The following COL5A3 variants were observed in gnomAD, a reference collection of about 807,000 sequenced individuals.
The protein encoded by COL5A3 is collagen type V alpha 3 chain.
Under a neutral mutation model 250.0 loss-of-function variants are expected in COL5A3, and 172 were observed. That is an observed-to-expected ratio of 0.69 (90% CI 0.61 to 0.78). COL5A3 has a LOEUF of 0.78. Ranked by LOEUF, COL5A3 falls within the 30% of genes least tolerant of loss-of-function variation. The pLI is 0.00. For synonymous variants in COL5A3, 937 were observed against 900.4 expected, an observed-to-expected ratio of 1.04 and a Z score of -0.73; for missense variants, 2,340 against 2,334.4, an observed-to-expected ratio of 1.00 and a Z score of -0.05.
At chr19:9,980,569 T>C in intron 35 of COL5A3, 79 bp downstream of exon 35, 2 of 1,550,288 alleles carry the variant, frequency 1.3e-6, no homozygotes, top group Non-Finnish European at 1.7e-6. Flanking sequence ...TCTTCATCTC[T>C]TGGGTTTGTC....
Position 9,992,840 on chromosome 19 carries a change from G to A in COL5A3, c.1835C>T (p.Pro612Leu), listed in dbSNP as rs936145198. 1.9e-6 allele frequency: 3 copies of A among 1,613,960 alleles called. No homozygotes were observed. In the African/African-American group the frequency reaches 4.0e-5, roughly 22 times the overall value. ...AGTGACACTCACCGGGCGACCCGTG[G>A]GGCCAGGAGAGCCTCTGGGGCCAAG... Reference protein sequence around the residue: ...GLLGPRGSPGPTGRPGVTGID... With the variant: ...GLLGPRGSPGLTGRPGVTGID... Residue 612 changes from proline to leucine, a missense_variant, in exon 21 of 67, where the codon CCC becomes CTC. Pro to Leu is a moderately conservative substitution (Grantham distance 98). Transcript: ENST00000264828.
intron 33 of COL5A3, 77 bp from the exon 34 acceptor site, chr19:9,980,936 C>A (rs1237797686): frequency 6.5e-7 from 1 of 1,530,218 alleles, no homozygotes; most frequent in Admixed American, 1.8e-5. Flanking sequence ...TCTTCCAGGT[C>A]CCCTCCCCTT....
intron 51 of COL5A3, among the ~76,000 whole-genome samples, chr19:9,972,681 C>T (rs28360786): frequency 9.1e-4 from 138 of 152,138 alleles, no homozygotes; most frequent in African/African-American, 3.2e-3. Flanking sequence ...ACTAAAAATA[C>T]AAAAATTAGC....
Position 9,967,933 on chromosome 19 carries a change from G to C in COL5A3, c.4375C>G (p.Leu1459Val). 6.2e-7 allele frequency: 1 copy of C among 1,613,264 alleles called. No homozygotes were observed. Among genetic ancestry groups the C allele is most frequent in the Non-Finnish European group, 8.5e-7 (1 of 1,179,668 alleles). The change falls in exon 61 of 67, where the codon CTA (leucine) becomes GTA (valine). Residue 1459 changes from leucine to valine, a missense_variant. Leu to Val is a conservative substitution (Grantham distance 32). Coordinates refer to ENST00000264828, the MANE Select transcript of COL5A3 (RefSeq NM_015719.4). ...HPGPPGVAGP[L>V]GQKGSKGSPG... ...GACCCTTTTGAGCCTTTCTGTCCTA[G>C]AGGGCCCTGTAGGGTACAGACAGGG...
intron 4 of COL5A3, 82 bp downstream of exon 4, chr19:10,005,476 T>C: frequency 7.1e-7 from 1 of 1,412,836 alleles, no homozygotes; most frequent in Non-Finnish European, 9.9e-7. Context: ...ACATCTTCCT[T>C]CTTTAATATC....
At chr19:10,004,180 G>T in intron 4 of COL5A3, 35 bp from the exon 5 acceptor site, 2 of 1,481,968 alleles carry the variant, frequency 1.3e-6, no homozygotes, top group Non-Finnish European at 9.4e-7. Flanking sequence ...AAGGAGGGCA[G>T]CCATACAGCC....
rs147862957 is a variant in COL5A3 at position 9,996,617 on chromosome 19, G to A, written c.1336C>T (p.Pro446Ser). The change falls in exon 12 of 67, where the codon CCG becomes TCG. Residue 446 changes from proline to serine, a missense_variant and splice_region_variant. Pro to Ser is a moderately conservative substitution (Grantham distance 74). Transcript: ENST00000264828. ...RGPPGTVIMM[P>S]FQFAGGSFKG... is the part of the protein sequence containing the mutation. ...GGGCCACTCCATCTCCTTCTTACCG[G>A]CATCATGATCACAGTGCCCGGTGGG... 1.2e-4 allele frequency: 192 copies of A among 1,613,800 alleles called. No individual in the cohort carries two copies. In the African/African-American group the frequency reaches 2.5e-3, roughly 21 times the overall value.
intron 31 of COL5A3, among the ~76,000 whole-genome samples, chr19:9,983,643 G>A (rs11668106): frequency 0.029 from 3,958 of 137,634 alleles, 158 homozygotes; most frequent in Middle Eastern, 0.071. Context: ...GAGAGAGAGA[G>A]AAAGAAAGAC....
At chr19:10,001,739 G>A in intron 7 of COL5A3, 29 bp downstream of exon 7, 1 of 1,613,268 alleles carries the variant, frequency 6.2e-7, no homozygotes, top group Non-Finnish European at 8.5e-7. Context: ...GTAACCCTTG[G>A]GGTCTCCCCT....
chr19:9,967,513 A>C, intron 61 of COL5A3, 113 bp from the exon 62 acceptor site: 2 of 749,550 alleles, frequency 2.7e-6, no homozygotes, highest in Non-Finnish European at 4.3e-6. Flanking sequence ...ACACAGTCTC[A>C]CACACTCACA....
In COL5A3 at chr19:9,977,487, G is replaced by A. The variant is rs1294564944; in HGVS notation, c.3127-15C>T. ...CCACGTTCTCCCTGTTGTGGGGAAT[G>A]GAAAGGGGGATGTCAGGGCAGGAAT... On this transcript the variant is annotated splice_polypyrimidine_tract_variant and intron_variant, in intron 42 of 66. Transcript: ENST00000264828. The A allele has an allele frequency of 6.6e-7, 1 of 1,507,720 alleles. No homozygotes were observed. The allele number at this position is 1,507,720 out of a possible 1,614,324, so 93.4% of individuals were successfully genotyped here.
chr19:10,001,107 T>A (rs1031351417), intron 8 of COL5A3, among the ~76,000 whole-genome samples: 4 of 151,434 alleles, frequency 2.6e-5, no homozygotes, highest in Non-Finnish European at 2.9e-5. Flanking sequence ...AAAGTTTTTT[T>A]AAAAAAAGAA....
At position 10,001,825 on chromosome 19, in the gene COL5A3, G is replaced by A. The variant is rs1217971676; in HGVS notation, c.906C>T (p.Pro302=). 3 of 1,614,146 alleles carry A rather than the reference G, an allele frequency of 1.9e-6. No individual in the cohort carries two copies. Among genetic ancestry groups the A allele is most frequent in the Non-Finnish European group, 2.5e-6 (3 of 1,180,026 alleles). The change falls in exon 7 of 67, where the codon CCC becomes CCT. Residue 302 remains proline (P), a synonymous_variant. Coordinates refer to ENST00000264828, the MANE Select transcript of COL5A3 (RefSeq NM_015719.4). ...CAGTGGAGGTGACGACCAAAGGCGT[G>A]GGGGTCGGAGGCAGATTTGGAGCTG... is the stretch of plus-strand genomic sequence containing the variant. ...ETPAPNLPPT[P]TPLVVTSTVT...
intron 5 of COL5A3, 48 bp from the exon 6 acceptor site, chr19:10,003,762 C>T (rs371756985): frequency 5.0e-6 from 8 of 1,606,568 alleles, no homozygotes; most frequent in Non-Finnish European, 6.8e-6. Context: ...CCAGCAGAGA[C>T]CCCATCATTC....
intron 20 of COL5A3, 41 bp from the exon 21 acceptor site, chr19:9,992,921 G>A (rs1432725316): frequency 3.7e-6 from 6 of 1,610,960 alleles, no homozygotes; most frequent in South Asian, 1.1e-5. Context: ...TCACCTCTGT[G>A]TGGCCATGTG....
At chr19:9,990,490 C>T (rs781052284) in intron 24 of COL5A3, among the ~76,000 whole-genome samples, 5 of 151,806 alleles carry the variant, frequency 3.3e-5, no homozygotes, top group African/African-American at 4.8e-5. Context: ...GATTCTTATG[C>T]GCATGCCTGT....
intron 8 of COL5A3, among the ~76,000 whole-genome samples, chr19:10,000,370 G>C (rs575756348): frequency 6.7e-6 from 1 of 149,536 alleles, no homozygotes; most frequent in African/African-American, 2.5e-5. Flanking sequence ...TCCAGGTCAC[G>C]TCCCGACTGC....
Position 9,978,948 on chromosome 19 carries a change from T to A in COL5A3, c.2907A>T (p.Lys969Asn). ...GELGPPGPLGKEGPAGLRGFP... is the reference protein window; with the variant it reads ...GELGPPGPLGNEGPAGLRGFP... ...AGCCCCTGAGTCCAGCTGGCCCTTC[T>A]TTCCCAAGGGGTCCTGGTGGTCCCA... Residue 969 changes from lysine (K) to asparagine (N), a missense_variant, in exon 40 of 67, where the codon AAA (lysine) becomes AAT (asparagine). Around this residue, in one of 3 missense-constraint regions of COL5A3, gnomAD observed 1,179 missense variants for 1,162.6 expected, o/e 1.01. Transcript: ENST00000264828. The A allele has an allele frequency of 6.5e-7, 1 of 1,532,070 alleles. No homozygotes were observed. Among genetic ancestry groups the A allele is most frequent in the Non-Finnish European group, 8.7e-7 (1 of 1,142,896 alleles). The allele number at this position is 1,532,070 out of a possible 1,614,324, so 94.9% of individuals were successfully genotyped here.
Position 9,966,680 on chromosome 19 carries a change from C to T in COL5A3, c.4525G>A (p.Val1509Met), listed in dbSNP as rs1329233852. 1.0e-5 allele frequency: 16 copies of T among 1,538,392 alleles called. No homozygotes were observed. Among genetic ancestry groups the T allele is most frequent in the Admixed American group, 2.0e-5 (1 of 51,126 alleles). Residue 1509 changes from valine to methionine, a missense_variant, in exon 63 of 67, where the codon GTG becomes ATG. Physicochemically the swap from Val to Met is conservative, Grantham distance 21. Around this residue, in one of 3 missense-constraint regions of COL5A3, gnomAD observed 1,179 missense variants for 1,162.6 expected, o/e 1.01. Transcript: ENST00000264828. Reference sequence around the variant, plus strand: ...AGCACCTCCTCCAGGCCGCCCTCCACGACTGGAAGCGGGACTGGGACGAAG... The same window carrying T: ...AGCACCTCCTCCAGGCCGCCCTCCATGACTGGAAGCGGGACTGGGACGAAG... ...RRFVPVPLPV[V>M]EGGLEEVLAS...
Sources: allele counts gnomAD v4.1 joint callset (sites outside exome capture counted in the v4.1 genomes callset), GRCh38; gene constraint gnomAD v4.1.1; regional missense constraint gnomAD v4.1.1; transcripts MANE v1.5; gene names NCBI Gene and HGNC (gene_info 2026-07-23, HGNC 2026-07-21).